The following TRANK1 variants were observed in gnomAD, a reference collection of about 807,000 sequenced individuals.
The protein encoded by TRANK1 is TPR and ankyrin repeat-containing protein 1.
TRANK1 carries 198 observed loss-of-function variants against 266.0 expected under a neutral mutation model. The ratio of observed to expected loss-of-function variants is 0.74; its 90% CI spans 0.66 to 0.84. The LOEUF is 0.84. Among genes scored for constraint, TRANK1 ranks in the 40% least tolerant of loss-of-function variants. TRANK1 has a pLI of 0.00. For missense variants in TRANK1, 3,326 were observed against 3,634.6 expected, an observed-to-expected ratio of 0.92 and a Z score of 2.18; for synonymous variants, 1,396 against 1,384.1, an observed-to-expected ratio of 1.01 and a Z score of -0.19.
In TRANK1 at chr3:36,831,126, C is replaced by T; in HGVS notation, c.8457G>A (p.Glu2819=). ...ECQERNSESY[E]QHIHLEHHQR... ...GGTGGTGTTCTAGATGGATATGCTG[C>T]TCGTAAGACTCGCTGTTCCTCTCCT... is the stretch of plus-strand genomic sequence containing the variant. The change falls in exon 22 of 24, where the codon GAG becomes GAA. Residue 2819 remains glutamate (E), a synonymous_variant. Transcript: ENST00000645898. The surrounding 1 kb of genome is among the most constrained non-coding windows in gnomAD (Gnocchi z 5.0). 4 of 1,613,992 alleles carry T rather than the reference C, an allele frequency of 2.5e-6. No homozygotes were observed. Among genetic ancestry groups the T allele is most frequent in the Non-Finnish European group, 2.5e-6 (3 of 1,179,888 alleles).
chr3:36,844,594 T>C (rs995139206), intron 17 of TRANK1, among the ~76,000 whole-genome samples: 1 of 152,156 alleles, frequency 6.6e-6, no homozygotes, highest in African/African-American at 2.4e-5. Context: ...GAAGGAAAGA[T>C]TGAGAATGCC....
chr3:36,861,701 A>G (rs1305494648), intron 10 of TRANK1, among the ~76,000 whole-genome samples: 2 of 147,258 alleles, frequency 1.4e-5, no homozygotes, highest in Non-Finnish European at 3.0e-5. Context: ...TAAGAGTAGA[A>G]AACTTTTTTT....
At chr3:36,879,201 C>T (rs542301727) in intron 8 of TRANK1, among the ~76,000 whole-genome samples, 2 of 151,274 alleles carry the variant, frequency 1.3e-5, no homozygotes, top group Non-Finnish European at 3.0e-5. Context: ...TTTATATATA[C>T]ATACACAAAA....
Position 36,944,846 on chromosome 3 carries a change from G to T in TRANK1, c.-37C>A. The T allele has an allele frequency of 1.4e-6, 2 of 1,443,976 alleles. No individual in the cohort carries two copies. Among genetic ancestry groups the T allele is most frequent in the South Asian group, 2.7e-5 (2 of 73,690 alleles). The allele number at this position is 1,443,976 out of a possible 1,614,324, so 89.4% of individuals were successfully genotyped here. On this transcript the variant is annotated 5_prime_UTR_variant, in exon 1 of 24. Transcript: ENST00000645898. ...GAGGGTCCGCACCAGGACCGCCGCC[G>T]CCTGGGGAAGCGCTTCCCTGTGGGC...
chr3:36,931,888 T>G (rs932364248), intron 1 of TRANK1, among the ~76,000 whole-genome samples: 3 of 152,150 alleles, frequency 2.0e-5, no homozygotes, highest in African/African-American at 7.2e-5. Context: ...CACTGCAGCC[T>G]AGGTGACAGA....
At chr3:36,845,129 A>G (rs2078898592) in intron 17 of TRANK1, among the ~76,000 whole-genome samples, 1 of 152,174 alleles carries the variant, frequency 6.6e-6, no homozygotes, top group Admixed American at 6.5e-5. Context: ...CTACTCGACA[A>G]CCCCATACCC....
intron 9 of TRANK1, among the ~76,000 whole-genome samples, chr3:36,866,503 T>C (rs774828012): frequency 7.9e-5 from 12 of 152,166 alleles, no homozygotes; most frequent in Non-Finnish European, 1.5e-4. Context: ...AACCCAGGTA[T>C]GCACTCAGGC....
chr3:36,843,290 T>G (rs2078872980), intron 17 of TRANK1, among the ~76,000 whole-genome samples: 1 of 152,118 alleles, frequency 6.6e-6, no homozygotes. Flanking sequence ...GTTTTTAAGT[T>G]TTGGTCTACT....
chr3:36,922,801 G>A (rs2080234309), intron 1 of TRANK1, among the ~76,000 whole-genome samples: 1 of 151,498 alleles, frequency 6.6e-6, no homozygotes, highest in Non-Finnish European at 1.5e-5. Flanking sequence ...AAAAATTAAA[G>A]GTTTAATTCC....
At chr3:36,879,899 T>C (rs1454650643) in intron 8 of TRANK1, among the ~76,000 whole-genome samples, 2 of 81,394 alleles carry the variant, frequency 2.5e-5, no homozygotes, top group East Asian at 9.5e-4. Context: ...CATGCAAATA[T>C]ATGTAAACAT....
intron 20 of TRANK1, among the ~76,000 whole-genome samples, chr3:36,836,126 G>A (rs1416169822): frequency 6.6e-6 from 1 of 152,248 alleles, no homozygotes; most frequent in Non-Finnish European, 1.5e-5. Flanking sequence ...GGTCAAGAAT[G>A]TGGGGAATGC....
rs1424727329 is a variant in TRANK1 at position 36,892,355 on chromosome 3, C to T, written c.637-15G>A. The T allele has an allele frequency of 6.5e-7, 1 of 1,536,612 alleles. No homozygotes were observed. Among genetic ancestry groups the T allele is most frequent in the Non-Finnish European group, 8.7e-7 (1 of 1,146,618 alleles). ...AAAACGTATTTCTGGGGAAAAAAAA[C>T]ACACAGGACAAATTATGGAAGTCAC... is the stretch of plus-strand genomic sequence containing the variant. On this transcript the variant is annotated splice_polypyrimidine_tract_variant and intron_variant, in intron 6 of 23. Transcript: ENST00000645898.
Position 36,857,064 on chromosome 3 carries a change from G to A in TRANK1, c.2658C>T (p.Ile886=), listed in dbSNP as rs1355068174. 6.2e-7 allele frequency: 1 copy of A among 1,614,028 alleles called. No individual in the cohort carries two copies. Among genetic ancestry groups the A allele is most frequent in the South Asian group, 1.1e-5 (1 of 91,084 alleles). Residue 886 remains isoleucine (I), a synonymous_variant, in exon 13 of 24, where the codon ATC becomes ATT. Coordinates refer to ENST00000645898, the MANE Select transcript of TRANK1 (RefSeq NM_001329998.2). This position sits in a 1 kb window ranked among gnomAD's most constrained non-coding sequence, Gnocchi z 4.3. ...QKRLKHLKGS[I]QLFEAKLDKG... is the part of the protein sequence containing the mutation. ...TGTCCAGCTTAGCTTCGAAGAGCTG[G>A]ATGCTTCCTTTCAGGTGCTTCAGTC... is the stretch of plus-strand genomic sequence containing the variant.
At chr3:36,913,030 T>TGTGTG (rs2080074021) in intron 1 of TRANK1, among the ~76,000 whole-genome samples, 19 of 144,172 alleles carry the variant, frequency 1.3e-4, no homozygotes, top group African/African-American at 3.4e-4. Flanking sequence ...TATGTCTCTT[T>TGTGTG]TGTGTGTGTG....
chr3:36,850,685 AATGACTTCAAAAAGT>A (rs1366831380), intron 15 of TRANK1: 1 of 950,828 alleles, frequency 1.1e-6, no homozygotes, highest in East Asian at 1.2e-4. Context: ...GGAGTGAGAC[AATGACTTCAAAAAGT>A]ACTCTGTAAA....
chr3:36,867,868 T>C (rs773560767), intron 9 of TRANK1, among the ~76,000 whole-genome samples: 4 of 152,222 alleles, frequency 2.6e-5, no homozygotes, highest in Non-Finnish European at 5.9e-5. Context: ...ACAAATTTGG[T>C]CCCCACCGGG....
chr3:36,865,409 C>A (rs1413527242), intron 9 of TRANK1, among the ~76,000 whole-genome samples: 3 of 152,168 alleles, frequency 2.0e-5, no homozygotes, highest in Non-Finnish European at 2.9e-5. Context: ...GGAGTGACAG[C>A]AGAAAGATGG....
chr3:36,876,651 A>G (rs1037828969), intron 8 of TRANK1, among the ~76,000 whole-genome samples: 6 of 152,206 alleles, frequency 3.9e-5, no homozygotes, highest in African/African-American at 1.4e-4. Context: ...CTCTCCCAAC[A>G]CCACTTTCAA....
chr3:36,896,471 A>G (rs2079791481), intron 4 of TRANK1, among the ~76,000 whole-genome samples: 1 of 152,238 alleles, frequency 6.6e-6, no homozygotes, highest in African/African-American at 2.4e-5. Context: ...TCCCATAAAT[A>G]TGTTTTTCAA....
Sources: allele counts gnomAD v4.1 joint callset (sites outside exome capture counted in the v4.1 genomes callset), GRCh38; gene constraint gnomAD v4.1.1; non-coding constraint Gnocchi (gnomAD v3.1); transcripts MANE v1.5; gene names NCBI Gene and HGNC (gene_info 2026-07-23, HGNC 2026-07-21).